The following DOCK7 variants were observed in gnomAD, a reference collection of about 807,000 sequenced individuals.
DOCK7 encodes the protein dedicator of cytokinesis protein 7.
In DOCK7, 138 loss-of-function variants were observed where a neutral mutation model predicts 271.0. That is an observed-to-expected ratio of 0.51 (90% CI 0.44 to 0.59). DOCK7 has a LOEUF of 0.59. Among genes scored for constraint, DOCK7 ranks in the 20% least tolerant of loss-of-function variants. The pLI is 0.00. For synonymous variants in DOCK7, 823 were observed against 876.1 expected (o/e 0.94, Z 1.07); for missense variants, 2,066 against 2,592.4 (o/e 0.80, Z 4.41).
At chr1:62,465,726 A>G (rs1364517088) in intron 48 of DOCK7, among the ~76,000 whole-genome samples, 1 of 151,986 alleles carries the variant, frequency 6.6e-6, no homozygotes, top group African/African-American at 2.4e-5. Context: ...TAATTTTTGT[A>G]TTTTTAGTAG....
At chr1:62,606,594 A>T (rs10789117) in intron 14 of DOCK7, among the ~76,000 whole-genome samples, 143 of 151,916 alleles carry the variant, frequency 9.4e-4, no homozygotes, top group African/African-American at 3.3e-3. Context: ...CTTAATAATA[A>T]GAATATCTTT....
intron 12 of DOCK7, among the ~76,000 whole-genome samples, chr1:62,620,773 A>G (rs889575876): frequency 1.3e-5 from 2 of 151,162 alleles, no homozygotes; most frequent in African/African-American, 4.9e-5. Context: ...AGTCCCAGCT[A>G]CTCGGGAGGC....
intron 1 of DOCK7, among the ~76,000 whole-genome samples, chr1:62,684,614 A>G (rs1318232345): frequency 6.6e-6 from 1 of 152,206 alleles, no homozygotes; most frequent in African/African-American, 2.4e-5. Flanking sequence ...GTGTACACAA[A>G]TGTTCATCAT....
intron 27 of DOCK7, 88 bp from the exon 28 acceptor site, chr1:62,538,149 A>C: frequency 7.2e-7 from 1 of 1,385,314 alleles, no homozygotes; most frequent in East Asian, 2.4e-5. Context: ...AGAATTAAAG[A>C]GATAGTACTT....
chr1:62,635,379 T>C (rs1362045720), intron 8 of DOCK7: 14 of 152,284 alleles, frequency 9.2e-5, no homozygotes, highest in Admixed American at 9.2e-4. Context: ...TCTACTAAAA[T>C]ACAAAAAATT....
chr1:62,468,637 A>G (rs1168002), intron 48 of DOCK7, among the ~76,000 whole-genome samples: 86,505 of 151,898 alleles, frequency 0.57, 26,495 homozygotes, highest in East Asian at 0.75. Flanking sequence ...CTGTTTGCTG[A>G]TGATATCACT....
intron 18 of DOCK7, among the ~76,000 whole-genome samples, chr1:62,567,614 T>C (rs1400751084): frequency 6.6e-6 from 1 of 151,942 alleles, no homozygotes; most frequent in African/African-American, 2.4e-5. Context: ...GGTTTATGGG[T>C]GCAATAAACC....
intron 31 of DOCK7, 45 bp downstream of exon 31, chr1:62,528,106 T>A (rs767150926): frequency 1.3e-6 from 2 of 1,572,362 alleles, no homozygotes; most frequent in African/African-American, 2.7e-5. Context: ...CTAGTAAATA[T>A]TTGTCTTTCT....
chr1:62,605,856 AAGATT>A (rs1452249062), intron 14 of DOCK7: 1 of 152,000 alleles, frequency 6.6e-6, no homozygotes, highest in Non-Finnish European at 1.5e-5. Context: ...TAAATCCCTA[AAGATT>A]AGATACAAAT....
chr1:62,611,094 T>C (rs886397753), intron 14 of DOCK7, among the ~76,000 whole-genome samples: 1 of 152,202 alleles, frequency 6.6e-6, no homozygotes, highest in Non-Finnish European at 1.5e-5. Flanking sequence ...ATCACAACTA[T>C]TATAGACATC....
At position 62,505,675 on chromosome 1, in the gene DOCK7, AACCT is replaced by A. The variant is rs1263052521; in HGVS notation, c.4611+3_4611+6del. On this transcript the variant is annotated splice_donor_5th_base_variant and intron_variant, in intron 36 of 49. Transcript: ENST00000635253. ...TCTGACAACACTGCAGGTACAAAAT[AACCT>A]ACCTTTGAAACCAAGGCTCTCTGTG... 1 of 1,601,830 alleles carries A rather than the reference AACCT, an allele frequency of 6.2e-7. No individual in the cohort carries two copies. The highest frequency in any genetic ancestry group is 1.1e-5 in the South Asian group (1 of 88,136).
At chr1:62,566,904 T>C (rs1444345928) in intron 18 of DOCK7, among the ~76,000 whole-genome samples, 1 of 152,162 alleles carries the variant, frequency 6.6e-6, no homozygotes, top group Non-Finnish European at 1.5e-5. Flanking sequence ...CAGACACTTC[T>C]CAAAAGAAGA....
At chr1:62,560,966 T>C (rs959379943) in intron 19 of DOCK7, among the ~76,000 whole-genome samples, 1 of 152,022 alleles carries the variant, frequency 6.6e-6, no homozygotes, top group African/African-American at 2.4e-5. Context: ...AAAGAAACAA[T>C]AAACAAATGT....
At chr1:62,485,401 A>T in intron 43 of DOCK7, 1 of 985,330 alleles carries the variant, frequency 1.0e-6, no homozygotes, top group Non-Finnish European at 1.2e-6. Context: ...ATTTGCACTA[A>T]ATCAAGGAGC....
At chr1:62,669,745 G>T (rs371552496) in intron 1 of DOCK7, among the ~76,000 whole-genome samples, 1 of 152,220 alleles carries the variant, frequency 6.6e-6, no homozygotes. Flanking sequence ...CAGAGCCCTC[G>T]CTTGCTCTCG....
At chr1:62,656,153 C>A (rs1657991565) in intron 2 of DOCK7, among the ~76,000 whole-genome samples, 1 of 152,142 alleles carries the variant, frequency 6.6e-6, no homozygotes, top group Non-Finnish European at 1.5e-5. Flanking sequence ...AAAAAATGAA[C>A]CCCAATCTTT....
intron 42 of DOCK7, chr1:62,487,932 C>T (rs1646345223): frequency 6.6e-6 from 1 of 152,234 alleles, no homozygotes; most frequent in African/African-American, 2.4e-5. Context: ...GGTCATGAAA[C>T]CTAATCAATA....
intron 1 of DOCK7, among the ~76,000 whole-genome samples, chr1:62,686,637 C>T (rs1409571772): frequency 3.3e-5 from 5 of 152,134 alleles, no homozygotes; most frequent in South Asian, 4.1e-4. Context: ...TACTATCCTA[C>T]GCACATTACA....
chr1:62,488,725 TTTATGA>T, intron 42 of DOCK7: 1 of 646,764 alleles, frequency 1.5e-6, no homozygotes. Flanking sequence ...ATGCAGAAAG[TTTATGA>T]TGATCACCAT....
Sources: gnomAD v4.1 joint callset for allele counts (sites outside exome capture counted in the v4.1 genomes callset) on GRCh38, gnomAD v4.1.1 for gene constraint, MANE v1.5 for transcripts, NCBI Gene and HGNC (gene_info 2026-07-23, HGNC 2026-07-21) for gene names.